The following SLC25A13 variants were observed in gnomAD, a reference collection of about 807,000 sequenced individuals.
SLC25A13 encodes solute carrier family 25 member 13.
In SLC25A13, 70 loss-of-function variants were observed where a neutral mutation model predicts 85.5. The ratio of observed to expected loss-of-function variants is 0.82; its 90% CI spans 0.68 to 1.00. SLC25A13 has a LOEUF of 1.00. Among genes scored for constraint, SLC25A13 ranks in the 50% least tolerant of loss-of-function variants. The probability of loss-of-function intolerance (pLI) is 0.00; values close to 1 mark genes in which losing one functional copy is unlikely to be tolerated. For missense variants in SLC25A13, 765 were observed against 819.8 expected, an observed-to-expected ratio of 0.93 and a Z score of 0.82; for synonymous variants, 259 against 288.7, an observed-to-expected ratio of 0.90 and a Z score of 1.04.
rs1051105550 is a variant in SLC25A13 at position 96,205,173 on chromosome 7, A to G, written c.468+3665T>C. Among the ~76,000 whole-genome samples, 6 of 152,226 alleles carry G rather than the reference A, an allele frequency of 3.9e-5. No individual in the cohort carries two copies. In the East Asian group the frequency reaches 1.2e-3, roughly 29 times the overall value. On this transcript the variant is annotated intron_variant, in intron 5 of 17. Transcript: ENST00000265631. ...TCCACCCGCCTCGGCCTCCCAAAGT[A>G]CTGGGATTACAGGCGTGAGCCACCA... is the stretch of plus-strand genomic sequence containing the variant.
intron 3 of SLC25A13, among the ~76,000 whole-genome samples, chr7:96,265,460 G>A (rs536077656): frequency 3.3e-5 from 5 of 152,270 alleles, no homozygotes; most frequent in African/African-American, 1.2e-4. Flanking sequence ...TCCTCTAGTA[G>A]AAGACTAGCT....
chr7:96,140,200 C>T (rs577018536), intron 14 of SLC25A13, among the ~76,000 whole-genome samples: 3 of 150,206 alleles, frequency 2.0e-5, no homozygotes, highest in South Asian at 2.1e-4. Flanking sequence ...CCTCGTGATC[C>T]GCCCGCCTCG....
At position 96,189,685 on chromosome 7, in the gene SLC25A13, GAAAAGTT is replaced by G. The variant is rs1198769990; in HGVS notation, c.755-18_755-12del. On this transcript the variant is annotated splice_polypyrimidine_tract_variant and intron_variant, in intron 7 of 17. Coordinates refer to ENST00000265631, the MANE Select transcript of SLC25A13 (RefSeq NM_014251.3). ...CCAGAACAAACTCCTCTGTATGGAA[GAAAAGTT>G]AAAAGGGAAAGATTCAAGAAGAAAT... is the stretch of plus-strand genomic sequence containing the variant. 1.3e-5 allele frequency: 21 copies of G among 1,610,028 alleles called. No individual in the cohort carries two copies. Among genetic ancestry groups the G allele is most frequent in the Non-Finnish European group, 1.8e-5 (21 of 1,176,526 alleles).
intron 11 of SLC25A13, 53 bp from the exon 12 acceptor site, chr7:96,171,577 CAAAT>C (rs1236145304): frequency 2.0e-6 from 3 of 1,483,304 alleles, no homozygotes; most frequent in Non-Finnish European, 1.9e-6. Flanking sequence ...ATTAACTAAA[CAAAT>C]CAACAGTTCT....
chr7:96,283,771 T>C (rs4358737), intron 2 of SLC25A13: 129,569 of 193,498 alleles, frequency 0.67, 44,003 homozygotes, highest in Non-Finnish European at 0.69. Context: ...GGGAAGGAGC[T>C]TGCATTGCTG....
At chr7:96,205,569 G>A (rs1259999428) in intron 5 of SLC25A13, among the ~76,000 whole-genome samples, 4 of 152,186 alleles carry the variant, frequency 2.6e-5, no homozygotes, top group African/African-American at 9.7e-5. Flanking sequence ...ATTCCAATGA[G>A]GAAGAAGACT....
At chr7:96,239,052 TATATATA>T (rs1796862781) in intron 3 of SLC25A13, among the ~76,000 whole-genome samples, 1 of 145,784 alleles carries the variant, frequency 6.9e-6, no homozygotes, top group African/African-American at 2.5e-5. Flanking sequence ...TATATATATA[TATATATA>T]TATATATATG....
At chr7:96,200,174 CAAAGAGTTAATAAGGA>C (rs1795200832) in intron 5 of SLC25A13, among the ~76,000 whole-genome samples, 3 of 151,966 alleles carry the variant, frequency 2.0e-5, no homozygotes, top group African/African-American at 7.3e-5. Context: ...TTAATAAAAG[CAAAGAGTTAATAAGGA>C]AATGATTCAA....
chr7:96,264,256 C>A (rs544996186), intron 3 of SLC25A13, among the ~76,000 whole-genome samples: 2 of 152,290 alleles, frequency 1.3e-5, no homozygotes, highest in African/African-American at 4.8e-5. Context: ...GACCACTAAT[C>A]CTCAGGTAAG....
At chr7:96,206,628 G>A (rs1795472063) in intron 5 of SLC25A13, among the ~76,000 whole-genome samples, 1 of 152,182 alleles carries the variant, frequency 6.6e-6, no homozygotes, top group Non-Finnish European at 1.5e-5. Context: ...TATAACCATT[G>A]TAATCTAGTA....
At chr7:96,182,701 G>A (rs937102123) in intron 11 of SLC25A13, among the ~76,000 whole-genome samples, 3 of 152,126 alleles carry the variant, frequency 2.0e-5, no homozygotes, top group Admixed American at 6.5e-5. Context: ...AAATATAGAC[G>A]TAACCAAAAA....
intron 11 of SLC25A13, among the ~76,000 whole-genome samples, chr7:96,173,107 T>C (rs1190212446): frequency 3.3e-5 from 5 of 152,052 alleles, no homozygotes; most frequent in East Asian, 3.9e-4. Context: ...ATTGATAAAA[T>C]TTTTTCTTTG....
At chr7:96,172,602 C>A (rs2116586783) in intron 11 of SLC25A13, among the ~76,000 whole-genome samples, 1 of 152,120 alleles carries the variant, frequency 6.6e-6, no homozygotes, top group Admixed American at 6.5e-5. Flanking sequence ...ACAGTCAGTT[C>A]ATGGGCTCAG....
At chr7:96,139,347 G>A (rs1792426595) in intron 14 of SLC25A13, among the ~76,000 whole-genome samples, 1 of 152,096 alleles carries the variant, frequency 6.6e-6, no homozygotes, top group Non-Finnish European at 1.5e-5. Flanking sequence ...ACCCGCACAT[G>A]TTCCCTCCAA....
chr7:96,172,908 G>A (rs1794065756), intron 11 of SLC25A13, among the ~76,000 whole-genome samples: 1 of 152,020 alleles, frequency 6.6e-6, no homozygotes, highest in Non-Finnish European at 1.5e-5. Context: ...ATAGGCGCCT[G>A]CCACCACGCC....
chr7:96,274,001 T>A (rs916357170), intron 3 of SLC25A13, among the ~76,000 whole-genome samples: 1 of 152,168 alleles, frequency 6.6e-6, no homozygotes, highest in African/African-American at 2.4e-5. Context: ...TACATTTTCC[T>A]ACCAAGCAAA....
At chr7:96,242,801 C>A (rs936476576) in intron 3 of SLC25A13, among the ~76,000 whole-genome samples, 1 of 152,214 alleles carries the variant, frequency 6.6e-6, no homozygotes, top group African/African-American at 2.4e-5. Context: ...CAATGTATTT[C>A]TTAAATGTAA....
At chr7:96,140,199 C>A (rs1342883111) in intron 14 of SLC25A13, among the ~76,000 whole-genome samples, 13 of 151,108 alleles carry the variant, frequency 8.6e-5, no homozygotes, top group Non-Finnish European at 1.8e-4. Context: ...ACCTCGTGAT[C>A]CGCCCGCCTC....
chr7:96,297,526 G>T (rs186067808), intron 1 of SLC25A13, among the ~76,000 whole-genome samples: 1 of 152,038 alleles, frequency 6.6e-6, no homozygotes, highest in East Asian at 1.9e-4. Context: ...TAGAGATAGG[G>T]TTTCACCATG....
Sources: allele counts gnomAD v4.1 joint callset (sites outside exome capture counted in the v4.1 genomes callset), GRCh38; gene constraint gnomAD v4.1.1; transcripts MANE v1.5; gene names NCBI Gene and HGNC (gene_info 2026-07-23, HGNC 2026-07-21).